The following POM121 variants were observed in gnomAD, a reference collection of about 807,000 sequenced individuals.
POM121 encodes the protein POM121 transmembrane nucleoporin.
Under a neutral mutation model 81.3 loss-of-function variants are expected in POM121, and 32 were observed. The observed-to-expected ratio is 0.39, with a 90% CI of 0.30 to 0.53. The LOEUF is 0.53. Ranked by LOEUF, POM121 falls within the 20% of genes least tolerant of loss-of-function variation. The pLI, the probability that POM121 is intolerant of heterozygous loss-of-function variation, is 0.66. For missense variants in POM121, 1,138 were observed against 1,614.6 expected (o/e 0.70, Z 5.06); for synonymous variants, 514 against 694.2 (o/e 0.74, Z 4.08).
upstream of POM121, among the ~76,000 whole-genome samples, chr7:72,921,504 T>A (rs565759249): frequency 6.6e-6 from 1 of 152,326 alleles, no homozygotes; most frequent in East Asian, 1.9e-4. Flanking sequence ...CTCTCTGCAC[T>A]GCAGTTGGGA....
In POM121 at chr7:72,939,878, C is replaced by T. The variant is rs1554500448; in HGVS notation, c.1473C>T (p.Asn491=). ...AADTTPRKKQ[N]SNSQSTPGSS... ...ATACAACCCCAAGGAAGAAACAAAA[C>T]TCGAATTCTCAGTCTACACCTGGCA... is the stretch of plus-strand genomic sequence containing the variant. Residue 491 remains asparagine (N), a synonymous_variant, in exon 8 of 13, where the codon AAC becomes AAT. Coordinates refer to ENST00000434423, the MANE Select transcript of POM121 (RefSeq NM_001387691.1). 1 of 1,609,976 alleles carries T rather than the reference C, an allele frequency of 6.2e-7. No homozygotes were observed. Among genetic ancestry groups the T allele is most frequent in the East Asian group, 2.2e-5 (1 of 44,820 alleles).
At chr7:72,938,383 G>A (rs1353880961) in intron 5 of POM121, among the ~76,000 whole-genome samples, 2 of 151,960 alleles carry the variant, frequency 1.3e-5, no homozygotes, top group Non-Finnish European at 2.9e-5. Flanking sequence ...AGAGACAGGG[G>A]TCTCGCTATG....
intron 2 of POM121, 58 bp from the exon 3 acceptor site, chr7:72,926,744 T>C (rs1795487277): frequency 6.3e-7 from 1 of 1,592,134 alleles, no homozygotes; most frequent in Admixed American, 1.7e-5. Flanking sequence ...CTGAAGTCTG[T>C]GCTATATGGC....
intron 4 of POM121, among the ~76,000 whole-genome samples, chr7:72,918,574 C>A (rs569490512): frequency 6.6e-6 from 1 of 152,148 alleles, no homozygotes; most frequent in South Asian, 2.1e-4. Flanking sequence ...CATATATAAT[C>A]ATGTCTGTGC....
At chr7:72,893,306 A>G (rs536733664) in intron 3 of POM121, among the ~76,000 whole-genome samples, 3 of 151,520 alleles carry the variant, frequency 2.0e-5, no homozygotes, top group Admixed American at 2.0e-4. Context: ...TAACATGGCC[A>G]GGCACGGTGG....
intron 3 of POM121, among the ~76,000 whole-genome samples, chr7:72,892,145 G>T (rs1444695233): frequency 6.6e-6 from 1 of 152,218 alleles, no homozygotes; most frequent in Non-Finnish European, 1.5e-5. Flanking sequence ...TGTCCTCTTA[G>T]AACCCATTTT....
At chr7:72,911,365 C>T (rs1388003666) in intron 3 of POM121, among the ~76,000 whole-genome samples, 3 of 152,234 alleles carry the variant, frequency 2.0e-5, no homozygotes, top group Non-Finnish European at 2.9e-5. Context: ...TCCTATGGAA[C>T]TGGAAACAAC....
At chr7:72,924,326 C>T (rs1296282120), upstream of POM121, 4 of 152,184 alleles carry the variant, frequency 2.6e-5, no homozygotes, top group Admixed American at 2.6e-4. Flanking sequence ...CCCCCTTAAT[C>T]TCTTTAATGT....
At chr7:72,897,450 G>C (rs1375797526) in intron 3 of POM121, among the ~76,000 whole-genome samples, 1 of 152,210 alleles carries the variant, frequency 6.6e-6, no homozygotes, top group Admixed American at 6.5e-5. Context: ...ATCCAAGAGG[G>C]AGCAGGGAGT....
chr7:72,919,892 C>G (rs1320254784), intron 4 of POM121, among the ~76,000 whole-genome samples: 1 of 152,180 alleles, frequency 6.6e-6, no homozygotes, highest in Non-Finnish European at 1.5e-5. Context: ...TGCACTATTT[C>G]TGACAAGAAA....
intron 3 of POM121, among the ~76,000 whole-genome samples, chr7:72,910,734 C>T (rs1252136490): frequency 6.6e-6 from 1 of 151,954 alleles, no homozygotes; most frequent in African/African-American, 2.4e-5. Flanking sequence ...CAAAAGGGCA[C>T]TGTCCCGCAG....
chr7:72,906,730 C>T (rs1793273924), intron 3 of POM121, among the ~76,000 whole-genome samples: 1 of 152,056 alleles, frequency 6.6e-6, no homozygotes, highest in African/African-American at 2.4e-5. Flanking sequence ...TTGAGTGGTT[C>T]TCTCACCTCA....
At chr7:72,911,777 A>G (rs550877317) in intron 3 of POM121, among the ~76,000 whole-genome samples, 2 of 152,356 alleles carry the variant, frequency 1.3e-5, no homozygotes, top group East Asian at 3.9e-4. Context: ...CACTCGGTAC[A>G]TGGTGCTTGT....
chr7:72,913,059 A>G (rs549721586), intron 3 of POM121, among the ~76,000 whole-genome samples: 3 of 152,278 alleles, frequency 2.0e-5, no homozygotes, highest in African/African-American at 7.2e-5. Context: ...AATTATATAT[A>G]CTGTACATTG....
In POM121 at chr7:72,925,686, C is replaced by T. The variant is rs1288714539; in HGVS notation, c.565C>T (p.Pro189Ser). The T allele has an allele frequency of 7.2e-6, 9 of 1,251,610 alleles. No individual in the cohort carries two copies. The East Asian group carries it at 1.1e-4, about 16-fold the overall frequency. 77.5% of individuals were successfully genotyped at this position (1,251,610 alleles called of 1,614,324 possible). The change falls in exon 1 of 13, where the codon CCG (proline) becomes TCG (serine). Residue 189 changes from proline to serine, a missense_variant. Coordinates refer to ENST00000434423, the MANE Select transcript of POM121 (RefSeq NM_001387691.1). ...ACCGCCGCGCTCCCCCCCGCCCTCCCCGCCGACCCATCGCGCTCACCACGT... is the reference window on the plus strand; with the variant it reads ...ACCGCCGCGCTCCCCCCCGCCCTCCTCGCCGACCCATCGCGCTCACCACGT... ...SPPPRSPPPS[P>S]PTHRAHHVYP...
exon 1 of POM121, chr7:72,879,834 C>G (rs1789949998): frequency 2.0e-6 from 1 of 508,162 alleles, no homozygotes; most frequent in African/African-American, 1.9e-5. Context: ...CGACAGCAGC[C>G]CGCCCCGGCC....
upstream of POM121, chr7:72,924,983 A>C (rs1795205474): frequency 7.6e-7 from 1 of 1,314,082 alleles, no homozygotes; most frequent in Non-Finnish European, 9.7e-7. Context: ...CATTTTCCAA[A>C]CCAGTTGGGT....
At chr7:72,948,497 C>T (rs782015842), downstream of POM121, 7 of 1,613,506 alleles carry the variant, frequency 4.3e-6, no homozygotes, top group South Asian at 1.1e-5. Flanking sequence ...ATGTGCAAGG[C>T]GGTGTGCAAG....
At position 72,943,139 on chromosome 7, in the gene POM121, C is replaced by T. The variant is rs782771242; in HGVS notation, c.3146C>T (p.Ala1049Val). Residue 1049 changes from alanine (A) to valine (V), a missense_variant, in exon 11 of 13, where the codon GCT becomes GTT. Ala to Val is a moderately conservative substitution (Grantham distance 64). This residue lies in a region of POM121 where 336 missense variants were observed against 344.3 expected (regional missense o/e 0.98). Transcript: ENST00000434423. ...GLKATASAFG[A>V]PASSQPAFGG... ...AAAGCCACGGCTTCGGCCTTCGGCG[C>T]TCCCGCCAGCTCACAGCCCGCCTTT... The T allele has an allele frequency of 3.1e-6, 5 of 1,613,182 alleles. No homozygotes were observed. Among genetic ancestry groups the T allele is most frequent in the East Asian group, 2.2e-5 (1 of 44,864 alleles).
Sources: allele counts gnomAD v4.1 joint callset (sites outside exome capture counted in the v4.1 genomes callset), GRCh38; gene constraint gnomAD v4.1.1; regional missense constraint gnomAD v4.1.1; transcripts MANE v1.5; gene names NCBI Gene and HGNC (gene_info 2026-07-23, HGNC 2026-07-21).